NPSR1: variants seen among roughly 807,000 people sequenced by gnomAD.
The protein encoded by NPSR1 is neuropeptide S receptor 1, also known as neuropeptide S receptor.
NPSR1 carries 48 observed loss-of-function variants against 46.9 expected under a neutral mutation model. The ratio of observed to expected loss-of-function variants is 1.02; its 90% CI spans 0.81 to 1.30. The LOEUF is 1.30. NPSR1 is among the 50% of genes most tolerant of loss of function. The probability of loss-of-function intolerance (pLI) is 0.00; values close to 1 mark genes in which losing one functional copy is unlikely to be tolerated. For synonymous variants in NPSR1, 176 were observed against 168.1 expected (o/e 1.05, Z -0.36); for missense variants, 450 against 449.5 (o/e 1.00, Z -0.01).
chr7:34,732,377 A>G (rs114089253), intron 2 of NPSR1, among the ~76,000 whole-genome samples: 1,687 of 152,260 alleles, frequency 0.011, 33 homozygotes, highest in African/African-American at 0.039. Flanking sequence ...ACTTTCTAAT[A>G]TATCAGTAGA....
At chr7:34,700,060 G>A (rs4141216) in intron 2 of NPSR1, among the ~76,000 whole-genome samples, 1 of 152,016 alleles carries the variant, frequency 6.6e-6, no homozygotes, top group Admixed American at 6.6e-5. Flanking sequence ...GCCAGGTTTT[G>A]CTGGTAACTT....
intron 2 of NPSR1, among the ~76,000 whole-genome samples, chr7:34,775,738 CTCTGA>C (rs1410084628): frequency 4.6e-5 from 7 of 152,042 alleles, no homozygotes; most frequent in African/African-American, 1.4e-4. Context: ...TTTATTTCTG[CTCTGA>C]TATTTATTAT....
At chr7:34,749,168 C>G (rs1414722298) in intron 2 of NPSR1, among the ~76,000 whole-genome samples, 4 of 152,134 alleles carry the variant, frequency 2.6e-5, no homozygotes, top group South Asian at 2.1e-4. Context: ...AGCTGAGCCT[C>G]TGTGTGGCCA....
chr7:34,737,361 G>A (rs746819926), intron 2 of NPSR1, among the ~76,000 whole-genome samples: 9 of 151,530 alleles, frequency 5.9e-5, no homozygotes, highest in Non-Finnish European at 1.3e-4. Context: ...AAACACAAAC[G>A]AAAAAGAAGA....
chr7:34,809,353 C>A (rs1488764839), intron 3 of NPSR1, among the ~76,000 whole-genome samples: 1 of 151,102 alleles, frequency 6.6e-6, no homozygotes, highest in Non-Finnish European at 1.5e-5. Flanking sequence ...TTTTTTAAAC[C>A]TTTTTTCTAA....
At chr7:34,759,132 T>G (rs1786029914) in intron 2 of NPSR1, among the ~76,000 whole-genome samples, 7 of 152,168 alleles carry the variant, frequency 4.6e-5, no homozygotes, top group Admixed American at 4.6e-4. Flanking sequence ...TATTGTCAGA[T>G]TTCTCCACTG....
At chr7:34,772,660 C>G (rs1364630149) in intron 2 of NPSR1, among the ~76,000 whole-genome samples, 1 of 152,180 alleles carries the variant, frequency 6.6e-6, no homozygotes, top group South Asian at 2.1e-4. Flanking sequence ...CCCATTCACC[C>G]TTCCACAACA....
intron 1 of NPSR1, among the ~76,000 whole-genome samples, chr7:34,672,580 T>C (rs1418349426): frequency 6.6e-6 from 1 of 152,272 alleles, no homozygotes; most frequent in East Asian, 1.9e-4. Flanking sequence ...TGATAAAAAC[T>C]CCAAACCAAT....
At chr7:34,730,830 C>T (rs1436673272) in intron 2 of NPSR1, among the ~76,000 whole-genome samples, 2 of 152,114 alleles carry the variant, frequency 1.3e-5, no homozygotes, top group Non-Finnish European at 2.9e-5. Context: ...GAGGCAGGAA[C>T]CATGTCATCC....
At chr7:34,814,775 G>A (rs1215953826) in intron 4 of NPSR1, among the ~76,000 whole-genome samples, 1 of 152,172 alleles carries the variant, frequency 6.6e-6, no homozygotes, top group African/African-American at 2.4e-5. Flanking sequence ...AGGCAAACAG[G>A]GTCTGGAGTG....
At chr7:34,742,746 A>T (rs1474888786) in intron 2 of NPSR1, among the ~76,000 whole-genome samples, 1 of 152,172 alleles carries the variant, frequency 6.6e-6, no homozygotes, top group African/African-American at 2.4e-5. Flanking sequence ...GCAATACTGC[A>T]TTCCACAATG....
intron 3 of NPSR1, among the ~76,000 whole-genome samples, chr7:34,806,344 T>C (rs1251481191): frequency 1.3e-5 from 2 of 152,076 alleles, no homozygotes; most frequent in African/African-American, 4.8e-5. Flanking sequence ...TATAACAAAA[T>C]GGGCTATCCA....
intron 1 of NPSR1, among the ~76,000 whole-genome samples, chr7:34,675,020 G>T (rs1792246017): frequency 6.6e-6 from 1 of 152,156 alleles, no homozygotes; most frequent in Non-Finnish European, 1.5e-5. Flanking sequence ...GCAGGGCATG[G>T]TCTTTCCAGT....
chr7:34,665,072 A>G (rs1011311899), intron 1 of NPSR1, among the ~76,000 whole-genome samples: 2 of 152,180 alleles, frequency 1.3e-5, no homozygotes, highest in Non-Finnish European at 2.9e-5. Flanking sequence ...AGTCTGAGGG[A>G]AGTTAAAGGT....
intron 4 of NPSR1, among the ~76,000 whole-genome samples, chr7:34,812,489 G>A (rs1789034963): frequency 6.6e-6 from 1 of 152,172 alleles, no homozygotes; most frequent in African/African-American, 2.4e-5. Context: ...TGAACAGGCT[G>A]CATCAATGTG....
intron 4 of NPSR1, among the ~76,000 whole-genome samples, chr7:34,823,177 G>C (rs759233714): frequency 6.6e-6 from 1 of 151,916 alleles, no homozygotes; most frequent in Non-Finnish European, 1.5e-5. Context: ...GATCACTTGA[G>C]GTCACAAGTT....
intron 3 of NPSR1, among the ~76,000 whole-genome samples, chr7:34,782,997 G>A (rs561976617): frequency 6.6e-6 from 1 of 152,094 alleles, no homozygotes; most frequent in East Asian, 1.9e-4. Context: ...AATAATAAAT[G>A]CACTAGACAG....
At chr7:34,673,490 G>A (rs1036594074) in intron 1 of NPSR1, among the ~76,000 whole-genome samples, 1 of 152,104 alleles carries the variant, frequency 6.6e-6, no homozygotes, top group African/African-American at 2.4e-5. Flanking sequence ...ATACTACATG[G>A]GAGTTCACAG....
chr7:34,836,515 T>C (rs1486513785), intron 6 of NPSR1, among the ~76,000 whole-genome samples: 1 of 152,012 alleles, frequency 6.6e-6, no homozygotes, highest in Non-Finnish European at 1.5e-5. Context: ...CAATCATATA[T>C]TAGATTGTTG....
Sources: allele counts gnomAD v4.1 joint callset (sites outside exome capture counted in the v4.1 genomes callset), GRCh38; gene constraint gnomAD v4.1.1; transcripts MANE v1.5; gene names NCBI Gene and HGNC (gene_info 2026-07-23, HGNC 2026-07-21).